The following BNC2 variants were observed in gnomAD, a reference collection of about 807,000 sequenced individuals.
BNC2 encodes the protein basonuclin zinc finger protein 2.
Under a neutral mutation model 76.3 loss-of-function variants are expected in BNC2, and 20 were observed. That is an observed-to-expected ratio of 0.26 (90% CI 0.18 to 0.38). BNC2 has a LOEUF of 0.38. Ranked by LOEUF, BNC2 falls within the 10% of genes least tolerant of loss-of-function variation. The probability of loss-of-function intolerance (pLI) is 1.00; values close to 1 mark genes in which losing one functional copy is unlikely to be tolerated. For synonymous variants in BNC2, 582 were observed against 514.8 expected, an observed-to-expected ratio of 1.13 and a Z score of -1.77; for missense variants, 1,382 against 1,399.8, an observed-to-expected ratio of 0.99 and a Z score of 0.20.
At chr9:16,864,884 C>T (rs977744761) in intron 1 of BNC2, among the ~76,000 whole-genome samples, 1 of 151,660 alleles carries the variant, frequency 6.6e-6, no homozygotes, top group Admixed American at 6.6e-5. Flanking sequence ...ACAAGAGGTA[C>T]AATAAAGAAG....
At chr9:16,441,215 G>C (rs1193116381) in intron 5 of BNC2, among the ~76,000 whole-genome samples, 1 of 152,134 alleles carries the variant, frequency 6.6e-6, no homozygotes, top group Non-Finnish European at 1.5e-5. Flanking sequence ...GAGGTGGAAG[G>C]ACTGCTTGAA....
At chr9:16,762,722 C>T (rs1825586646) in intron 1 of BNC2, among the ~76,000 whole-genome samples, 1 of 152,188 alleles carries the variant, frequency 6.6e-6, no homozygotes, top group African/African-American at 2.4e-5. Context: ...AACCTGACCG[C>T]TTAAGGTCCT....
At chr9:16,448,720 T>G (rs1821277951) in intron 5 of BNC2, among the ~76,000 whole-genome samples, 1 of 152,174 alleles carries the variant, frequency 6.6e-6, no homozygotes, top group Non-Finnish European at 1.5e-5. Flanking sequence ...GAGATTTAAC[T>G]TTGTTCTTTT....
intron 1 of BNC2, among the ~76,000 whole-genome samples, chr9:16,799,435 C>A (rs1817731015): frequency 6.6e-6 from 1 of 152,148 alleles, no homozygotes; most frequent in African/African-American, 2.4e-5. Context: ...CTGCCTCAGC[C>A]TCCCAAGTAG....
chr9:16,506,164 G>T (rs138947011), intron 5 of BNC2, among the ~76,000 whole-genome samples: 2,589 of 152,202 alleles, frequency 0.017, 45 homozygotes, highest in Non-Finnish European at 0.03. Context: ...CCTTTTTAAT[G>T]GTCAAGTGTA....
At chr9:16,534,270 T>A (rs1818067108) in intron 5 of BNC2, among the ~76,000 whole-genome samples, 2 of 152,126 alleles carry the variant, frequency 1.3e-5, no homozygotes, top group South Asian at 4.1e-4. Flanking sequence ...AGTTTTACAG[T>A]AAATAAGACT....
intron 3 of BNC2, among the ~76,000 whole-genome samples, chr9:16,605,303 G>A (rs1046328673): frequency 6.6e-6 from 1 of 152,182 alleles, no homozygotes; most frequent in Non-Finnish European, 1.5e-5. Context: ...CGCTTCTTAC[G>A]CACTTACTAT....
At chr9:16,516,761 A>C (rs1817456049) in intron 5 of BNC2, among the ~76,000 whole-genome samples, 1 of 152,220 alleles carries the variant, frequency 6.6e-6, no homozygotes, top group Non-Finnish European at 1.5e-5. Flanking sequence ...TAAAAAAGTG[A>C]ATAAAAAGGT....
At chr9:16,856,275 TCTCA>T (rs755200522) in intron 1 of BNC2, among the ~76,000 whole-genome samples, 58 of 86,474 alleles carry the variant, frequency 6.7e-4, no homozygotes, top group East Asian at 2.2e-3. Flanking sequence ...TCTCTCTCTC[TCTCA>T]CACACACACA....
chr9:16,541,827 T>A (rs1007905318), intron 5 of BNC2, among the ~76,000 whole-genome samples: 1 of 152,036 alleles, frequency 6.6e-6, no homozygotes, highest in African/African-American at 2.4e-5. Flanking sequence ...CATAAACCAA[T>A]ATTGTCACTG....
intron 5 of BNC2, among the ~76,000 whole-genome samples, chr9:16,552,119 G>A (rs886087131): frequency 3.3e-5 from 5 of 152,002 alleles, no homozygotes; most frequent in South Asian, 2.1e-4. Flanking sequence ...GAAAAACACC[G>A]TACCTGCAAA....
At chr9:16,699,906 A>C (rs1823456837) in intron 3 of BNC2, among the ~76,000 whole-genome samples, 1 of 152,234 alleles carries the variant, frequency 6.6e-6, no homozygotes, top group East Asian at 1.9e-4. Flanking sequence ...GAAAACCTGT[A>C]ATTTCTGGTT....
intron 6 of BNC2, among the ~76,000 whole-genome samples, chr9:16,429,108 T>C (rs1296107909): frequency 1.3e-5 from 2 of 152,172 alleles, no homozygotes; most frequent in Non-Finnish European, 2.9e-5. Context: ...TATTTGAAGC[T>C]TGTGGGAGTC....
At chr9:16,535,292 A>G (rs1818094563) in intron 5 of BNC2, among the ~76,000 whole-genome samples, 1 of 152,216 alleles carries the variant, frequency 6.6e-6, no homozygotes, top group South Asian at 2.1e-4. Flanking sequence ...CAACAGTTTC[A>G]AAAAAGGAAT....
chr9:16,468,365 T>G (rs1292009064), intron 5 of BNC2, among the ~76,000 whole-genome samples: 1 of 152,076 alleles, frequency 6.6e-6, no homozygotes, highest in Non-Finnish European at 1.5e-5. Context: ...AGTATTCTGC[T>G]AGGTATTTTA....
intron 3 of BNC2, among the ~76,000 whole-genome samples, chr9:16,641,121 C>A (rs1199241379): frequency 6.6e-6 from 1 of 152,096 alleles, no homozygotes; most frequent in Non-Finnish European, 1.5e-5. Context: ...AGGCTTTGTT[C>A]TATGTTGTAG....
chr9:16,647,833 T>C (rs745730399), intron 3 of BNC2, among the ~76,000 whole-genome samples: 1 of 152,196 alleles, frequency 6.6e-6, no homozygotes, highest in Non-Finnish European at 1.5e-5. Flanking sequence ...TAGATCAATA[T>C]GCTATTCCAG....
At chr9:16,617,744 T>C (rs1820751658) in intron 3 of BNC2, among the ~76,000 whole-genome samples, 2 of 152,196 alleles carry the variant, frequency 1.3e-5, no homozygotes, top group Admixed American at 1.3e-4. Flanking sequence ...CAGCATTTAT[T>C]ATGTTTCAGG....
chr9:16,556,541 G>A lies in BNC2; in HGVS notation c.434-3776C>T, dbSNP rs187699722. ...TCCCAGCACTTTGGGAGGCTGAGGC[G>A]GGTGGATCATGAGGTCAAGAGATCA... is the stretch of plus-strand genomic sequence containing the variant. On this transcript the variant is annotated intron_variant, in intron 4 of 6. Transcript: ENST00000380672. 1.3e-3 allele frequency among the ~76,000 whole-genome samples: 200 copies of A among 151,968 alleles called. 1 individual carries two copies. Among genetic ancestry groups the A allele is most frequent in the African/African-American group, 4.6e-3 (189 of 41,458 alleles).
Sources: allele counts gnomAD v4.1 joint callset (sites outside exome capture counted in the v4.1 genomes callset), GRCh38; gene constraint gnomAD v4.1.1; transcripts MANE v1.5; gene names NCBI Gene and HGNC (gene_info 2026-07-23, HGNC 2026-07-21).